Variants in MYT1L observed in about 807,000 individuals in gnomAD.
MYT1L encodes the protein myelin transcription factor 1-like protein.
MYT1L carries 12 observed loss-of-function variants against 126.7 expected under a neutral mutation model. The observed-to-expected ratio is 0.09, with a 90% CI of 0.06 to 0.15. The LOEUF (loss-of-function observed/expected upper bound fraction) is 0.15, where lower values mean the gene tolerates loss of function less well. MYT1L is among the 10% of genes least tolerant of loss of function. MYT1L has a pLI of 1.00. For missense variants in MYT1L, 979 were observed against 1,585.2 expected, an observed-to-expected ratio of 0.62 and a Z score of 6.49; for synonymous variants, 541 against 604.2, an observed-to-expected ratio of 0.90 and a Z score of 1.53.
At chr2:1,955,134 G>C (rs11674045) in intron 8 of MYT1L, among the ~76,000 whole-genome samples, 67,581 of 147,316 alleles carry the variant, frequency 0.46, 17,555 homozygotes, top group African/African-American at 0.72. Flanking sequence ...CAGACAGAGA[G>C]TCCATCTCAA....
intron 2 of MYT1L, among the ~76,000 whole-genome samples, chr2:2,204,669 G>T (rs919412601): frequency 8.6e-5 from 13 of 151,388 alleles, no homozygotes; most frequent in African/African-American, 3.2e-4. Context: ...TGGTGGGACT[G>T]TCAACTAGTT....
chr2:2,189,281 A>C (rs2092423431), intron 2 of MYT1L, among the ~76,000 whole-genome samples: 1 of 152,128 alleles, frequency 6.6e-6, no homozygotes, highest in Non-Finnish European at 1.5e-5. Flanking sequence ...AGCAGTTCCC[A>C]AAATGGGGTT....
At chr2:2,257,135 C>T (rs2094835578) in intron 2 of MYT1L, among the ~76,000 whole-genome samples, 1 of 152,150 alleles carries the variant, frequency 6.6e-6, no homozygotes, top group Non-Finnish European at 1.5e-5. Flanking sequence ...CCAGCTGATG[C>T]TCCTGTGGCT....
At chr2:2,018,746 C>G (rs2064706704) in intron 4 of MYT1L, among the ~76,000 whole-genome samples, 1 of 152,152 alleles carries the variant, frequency 6.6e-6, no homozygotes, top group Non-Finnish European at 1.5e-5. Flanking sequence ...CTGTTTCACG[C>G]AGAGATCAAC....
intron 4 of MYT1L, among the ~76,000 whole-genome samples, chr2:1,999,288 C>G (rs1254287278): frequency 2.0e-5 from 3 of 152,152 alleles, no homozygotes; most frequent in Non-Finnish European, 2.9e-5. Flanking sequence ...ACAGAAAATT[C>G]TGGCTCCCTA....
rs546923309 is a variant in MYT1L at position 1,990,643 on chromosome 2, G to A, written c.-1+6548C>T. Among the ~76,000 whole-genome samples, 5 of 152,282 alleles carry A rather than the reference G, an allele frequency of 3.3e-5. No individual in the cohort carries two copies. The East Asian group carries it at 7.7e-4, about 24-fold the overall frequency. Reference sequence around the variant, plus strand: ...GGCCAGGGGTGTCTCGATGACACATGTGGGCAACAGCACCCACATATTCCC... The same window carrying A: ...GGCCAGGGGTGTCTCGATGACACATATGGGCAACAGCACCCACATATTCCC... On this transcript the variant is annotated intron_variant, in intron 5 of 24. Coordinates refer to ENST00000647738, the MANE Select transcript of MYT1L (RefSeq NM_001303052.2).
intron 18 of MYT1L, among the ~76,000 whole-genome samples, chr2:1,862,159 A>T (rs1304431434): frequency 6.6e-6 from 1 of 152,218 alleles, no homozygotes. Flanking sequence ...TAAAAATGGA[A>T]CATATTCTTC....
intron 3 of MYT1L, among the ~76,000 whole-genome samples, chr2:2,060,718 CCCCTCCCTTCCTTTT>C (rs1253588010): frequency 8.8e-6 from 1 of 113,180 alleles, no homozygotes; most frequent in African/African-American, 3.7e-5. Context: ...CCTTCCCTCC[CCCCTCCCTTCCTTTT>C]CCCTCCCTCC....
intron 4 of MYT1L, among the ~76,000 whole-genome samples, chr2:2,042,176 C>T (rs1051700395): frequency 6.6e-6 from 1 of 152,206 alleles, no homozygotes; most frequent in Non-Finnish European, 1.5e-5. Flanking sequence ...TGGACTCTGT[C>T]TCCAGATGAT....
At chr2:1,902,506 G>A (rs974787054) in intron 14 of MYT1L, among the ~76,000 whole-genome samples, 6 of 152,202 alleles carry the variant, frequency 3.9e-5, no homozygotes, top group Non-Finnish European at 8.8e-5. Flanking sequence ...AATCACTGGC[G>A]AACTTCTCAA....
chr2:2,058,200 T>C lies in MYT1L; in HGVS notation c.-303-4077A>G, dbSNP rs149669888. Among the ~76,000 whole-genome samples the C allele has an allele frequency of 3.4e-4, 52 of 152,370 alleles. 1 individual carries two copies. In the East Asian group the frequency reaches 0.01, roughly 29 times the overall value. ...GCCTAATAGTTGATGGAATTAAATA[T>C]CTTTTCATGTACATTTAAATTTCAT... On this transcript the variant is annotated intron_variant, in intron 3 of 24. Transcript: ENST00000647738.
intron 2 of MYT1L, among the ~76,000 whole-genome samples, chr2:2,280,513 A>G (rs1358646026): frequency 6.6e-6 from 1 of 152,186 alleles, no homozygotes; most frequent in Non-Finnish European, 1.5e-5. Context: ...TTTAAACCGA[A>G]CTAAACTTCT....
At chr2:2,174,161 G>A (rs776140983) in intron 2 of MYT1L, among the ~76,000 whole-genome samples, 8 of 152,262 alleles carry the variant, frequency 5.3e-5, no homozygotes, top group South Asian at 4.1e-4. Context: ...TAGCGTATTC[G>A]TTTTGTTGCA....
chr2:2,031,658 G>A, intron 4 of MYT1L, among the ~76,000 whole-genome samples: 1 of 139,128 alleles, frequency 7.2e-6, no homozygotes, highest in South Asian at 2.4e-4. Context: ...CCTCACCAGT[G>A]CCTCTCATCC....
chr2:2,315,771 TA>T (rs745590026), intron 1 of MYT1L, among the ~76,000 whole-genome samples: 21 of 152,222 alleles, frequency 1.4e-4, no homozygotes, highest in Admixed American at 2.6e-4. Context: ...TCACTCTAAG[TA>T]AGAATCAGAA....
chr2:2,141,325 T>C (rs1395906404), intron 3 of MYT1L, among the ~76,000 whole-genome samples: 1 of 152,176 alleles, frequency 6.6e-6, no homozygotes, highest in African/African-American at 2.4e-5. Flanking sequence ...TAAATTTAAA[T>C]TTATATTACC....
At chr2:1,844,456 C>G (rs2042231863) in intron 19 of MYT1L, among the ~76,000 whole-genome samples, 1 of 152,140 alleles carries the variant, frequency 6.6e-6, no homozygotes, top group Non-Finnish European at 1.5e-5. Flanking sequence ...GATGGAAAGC[C>G]AGTACTTGCT....
intron 3 of MYT1L, among the ~76,000 whole-genome samples, chr2:2,160,253 T>G (rs1170997701): frequency 6.6e-6 from 1 of 152,190 alleles, no homozygotes; most frequent in African/African-American, 2.4e-5. Context: ...ATACCAAATG[T>G]TTGCTTCAGT....
At chr2:2,281,466 G>A (rs942100097) in intron 2 of MYT1L, among the ~76,000 whole-genome samples, 3 of 152,190 alleles carry the variant, frequency 2.0e-5, no homozygotes, top group African/African-American at 2.4e-5. Flanking sequence ...AGTGGGAAGA[G>A]TAAATGCTTG....
Sources: allele counts gnomAD v4.1 joint callset (sites outside exome capture counted in the v4.1 genomes callset), GRCh38; gene constraint gnomAD v4.1.1; transcripts MANE v1.5; gene names NCBI Gene and HGNC (gene_info 2026-07-23, HGNC 2026-07-21).